Variants in MED30 observed in about 807,000 individuals in gnomAD.
MED30 encodes mediator complex subunit 30, also known as mediator of RNA polymerase II transcription subunit 30.
MED30 carries 8 observed loss-of-function variants against 21.7 expected under a neutral mutation model. The observed-to-expected ratio is 0.37, with a 90% CI of 0.22 to 0.67. The LOEUF is 0.67. Ranked by LOEUF, MED30 falls within the 30% of genes least tolerant of loss-of-function variation. The pLI, the probability that MED30 is intolerant of heterozygous loss-of-function variation, is 0.58. For missense variants in MED30, 203 were observed against 228.2 expected (o/e 0.89, Z 0.71); for synonymous variants, 79 against 86.7 (o/e 0.91, Z 0.49).
chr8:117,539,889 A>G lies in MED30; in HGVS notation c.448A>G (p.Lys150Glu). 1.3e-6 allele frequency: 2 copies of G among 1,596,970 alleles called. No homozygotes were observed. Among genetic ancestry groups the G allele is most frequent in the Non-Finnish European group, 1.7e-6 (2 of 1,168,466 alleles). ...REIAEVNKKL[K>E]QKNQQLKQIM... ...AATTCTTTTGTTTCTACAGAAACTC[A>G]AACAGAAGAATCAACAGCTGAAACA... Residue 150 changes from lysine to glutamate, a missense_variant, in exon 4 of 4, where the codon AAA becomes GAA. By Grantham distance (56) the Lys-to-Glu change is moderately conservative (BLOSUM62 1). Transcript: ENST00000297347.
intron 1 of MED30, among the ~76,000 whole-genome samples, chr8:117,527,636 C>CTTTTTTTTTTTTTTTTTT (rs3040826): frequency 1.6e-5 from 2 of 127,600 alleles, no homozygotes; most frequent in African/African-American, 3.0e-5. Flanking sequence ...TTTTTTCTTT[C>CTTTTTTTTTTTTTTTTTT]TTTTTTTTTT....
intron 3 of MED30, among the ~76,000 whole-genome samples, chr8:117,532,245 T>C (rs2130815594): frequency 6.6e-6 from 1 of 152,054 alleles, no homozygotes; most frequent in Non-Finnish European, 1.5e-5. Context: ...AACAATAGGA[T>C]TTTAGTGCAA....
chr8:117,540,207 ATGAAT>A lies in MED30; in HGVS notation c.*235_*239del, dbSNP rs1403566881. 3.7e-6 allele frequency: 1 copy of A among 267,984 alleles called. No individual in the cohort carries two copies. The highest frequency in any genetic ancestry group is 6.9e-6 in the Non-Finnish European group (1 of 145,102). 16.6% of individuals were successfully genotyped at this position (267,984 alleles called of 1,614,324 possible). ...GGGGTTTGTATTTTGGTTAATCTTC[ATGAAT>A]TGAATAATTGTTTTTTTAAAGCAAA... On this transcript the variant is annotated 3_prime_UTR_variant, in exon 4 of 4. Coordinates refer to ENST00000297347, the MANE Select transcript of MED30 (RefSeq NM_080651.4).
chr8:117,524,748 A>G (rs968367440), intron 1 of MED30, among the ~76,000 whole-genome samples: 11 of 151,798 alleles, frequency 7.2e-5, no homozygotes, highest in Non-Finnish European at 1.3e-4. Flanking sequence ...GATTCTTACT[A>G]TTTTTGTGTA....
At chr8:117,536,006 T>G (rs1403616256) in intron 3 of MED30, among the ~76,000 whole-genome samples, 1 of 152,200 alleles carries the variant, frequency 6.6e-6, no homozygotes. Context: ...TTTTCCATTC[T>G]TGTAGGTTTT....
chr8:117,536,145 G>A (rs1202670849), intron 3 of MED30, among the ~76,000 whole-genome samples: 1 of 152,128 alleles, frequency 6.6e-6, no homozygotes, highest in Non-Finnish European at 1.5e-5. Context: ...GCAGCTGGAT[G>A]TGTTGTCGGC....
At chr8:117,522,545 A>G (rs1161229785) in intron 1 of MED30, among the ~76,000 whole-genome samples, 3 of 152,044 alleles carry the variant, frequency 2.0e-5, no homozygotes, top group Admixed American at 2.0e-4. Context: ...ACTTGCCCAA[A>G]CCTAGTCAGT....
chr8:117,536,240 T>G (rs1424608481), intron 3 of MED30, among the ~76,000 whole-genome samples: 1 of 152,208 alleles, frequency 6.6e-6, no homozygotes, highest in Non-Finnish European at 1.5e-5. Context: ...CTGTTTCATG[T>G]ACCCATTTCA....
chr8:117,529,730 C>T (rs1475861338), intron 2 of MED30, among the ~76,000 whole-genome samples: 1 of 151,740 alleles, frequency 6.6e-6, no homozygotes, highest in South Asian at 2.1e-4. Context: ...AGAGGAGCTT[C>T]CCTCCAAATA....
chr8:117,528,375 C>T (rs1424266560), intron 1 of MED30, among the ~76,000 whole-genome samples: 2 of 151,550 alleles, frequency 1.3e-5, no homozygotes, highest in African/African-American at 4.8e-5. Context: ...TAAAGTTACA[C>T]TTCAAAAATT....
chr8:117,523,403 C>T, intron 1 of MED30: 5 of 1,558,712 alleles, frequency 3.2e-6, no homozygotes, highest in Non-Finnish European at 4.4e-6. Flanking sequence ...TCGGCTTCCC[C>T]TCTTGTGAGT....
intron 3 of MED30, among the ~76,000 whole-genome samples, chr8:117,535,548 C>T (rs767209495): frequency 1.3e-5 from 2 of 151,038 alleles, no homozygotes; most frequent in East Asian, 1.9e-4. Context: ...TTTTTTTTTC[C>T]GTAATGGCAC....
rs1449495300 is a variant in MED30, at chr8:117,540,006, CAT to C, written c.*29_*30del. 4 of 1,266,552 alleles carry C rather than the reference CAT, an allele frequency of 3.2e-6. No individual in the cohort carries two copies. The highest frequency in any genetic ancestry group is 3.3e-6 in the Non-Finnish European group (3 of 903,840). The allele number at this position is 1,266,552 out of a possible 1,614,324, so 78.5% of individuals were successfully genotyped here. A position where few individuals can be genotyped will look rare whatever the true frequency, so the allele number is the denominator to read the frequency against. On this transcript the variant is annotated 3_prime_UTR_variant, in exon 4 of 4. Coordinates refer to ENST00000297347, the MANE Select transcript of MED30 (RefSeq NM_080651.4). ...TGATATTTAAATTTCCTGCTTTACACATGTTATACCATTGTTTTTTCCCTCAA... is the reference window on the plus strand; with the variant it reads ...TGATATTTAAATTTCCTGCTTTACACGTTATACCATTGTTTTTTCCCTCAA...
In MED30 at chr8:117,526,298, C is replaced by G. The variant is rs528581940; in HGVS notation, c.178-2353C>G. On this transcript the variant is annotated intron_variant, in intron 1 of 3. Coordinates refer to ENST00000297347, the MANE Select transcript of MED30 (RefSeq NM_080651.4). Reference sequence around the variant, plus strand: ...TTCAACATTTTTTTCTCTTTCTTCTCTAATTGCATTGGCTAGTGCTTCCAG... The same window carrying G: ...TTCAACATTTTTTTCTCTTTCTTCTGTAATTGCATTGGCTAGTGCTTCCAG... Among the ~76,000 whole-genome samples the G allele has an allele frequency of 9.5e-4, 145 of 152,066 alleles. 3 individuals are homozygous for G. In the South Asian group the frequency reaches 0.028, roughly 30 times the overall value.
At chr8:117,537,866 T>G (rs536404938) in intron 3 of MED30, among the ~76,000 whole-genome samples, 1 of 152,214 alleles carries the variant, frequency 6.6e-6, no homozygotes, top group South Asian at 2.1e-4. Context: ...ACCTTAGATT[T>G]TATAATCCAA....
chr8:117,525,785 T>C (rs928999475), intron 1 of MED30, among the ~76,000 whole-genome samples: 5 of 152,156 alleles, frequency 3.3e-5, no homozygotes, highest in Non-Finnish European at 7.4e-5. Flanking sequence ...TCCACGTAGC[T>C]GCCTATCTTT....
chr8:117,522,403 A>T, intron 1 of MED30, among the ~76,000 whole-genome samples: 1 of 152,156 alleles, frequency 6.6e-6, no homozygotes. Context: ...ATTGTTTTGC[A>T]TTTGGATATC....
intron 3 of MED30, among the ~76,000 whole-genome samples, chr8:117,536,341 T>G (rs1342204789): frequency 6.6e-6 from 1 of 152,184 alleles, no homozygotes; most frequent in Non-Finnish European, 1.5e-5. Flanking sequence ...GCTTTATAGA[T>G]CTGTGTAATT....
At chr8:117,529,318 C>A (rs908470837) in intron 2 of MED30, among the ~76,000 whole-genome samples, 7 of 151,780 alleles carry the variant, frequency 4.6e-5, no homozygotes, top group Admixed American at 2.0e-4. Context: ...CTATAAGTCA[C>A]CCTTTCCTGT....
Sources: allele counts gnomAD v4.1 joint callset (sites outside exome capture counted in the v4.1 genomes callset), GRCh38; gene constraint gnomAD v4.1.1; transcripts MANE v1.5; gene names NCBI Gene and HGNC (gene_info 2026-07-23, HGNC 2026-07-21).